ASTN2: variants seen among roughly 807,000 people sequenced by gnomAD.
The protein encoded by ASTN2 is astrotactin 2, also known as astrotactin-2.
ASTN2 carries 54 observed loss-of-function variants against 139.8 expected under a neutral mutation model. The observed-to-expected ratio is 0.39, with a 90% CI of 0.31 to 0.48. The LOEUF (loss-of-function observed/expected upper bound fraction) is 0.48, where lower values mean the gene tolerates loss of function less well. Among genes scored for constraint, ASTN2 ranks in the 20% least tolerant of loss-of-function variants. The pLI is 0.95. For synonymous variants in ASTN2, 756 were observed against 719.5 expected (o/e 1.05, Z -0.81); for missense variants, 1,565 against 1,725.1 (o/e 0.91, Z 1.64).
At chr9:116,596,380 A>C (rs1260320874) in intron 19 of ASTN2, among the ~76,000 whole-genome samples, 1 of 152,208 alleles carries the variant, frequency 6.6e-6, no homozygotes, top group Non-Finnish European at 1.5e-5. Flanking sequence ...CCTATAGTGA[A>C]TATGGTATTG....
At chr9:116,912,401 C>T (rs773619018) in intron 10 of ASTN2, among the ~76,000 whole-genome samples, 31 of 152,350 alleles carry the variant, frequency 2.0e-4, no homozygotes, top group Non-Finnish European at 2.5e-4. Context: ...TCAGAAAACA[C>T]AAGGTCCGCC....
At chr9:116,686,715 G>A (rs1195084127) in intron 16 of ASTN2, 1 of 1,550,532 alleles carries the variant, frequency 6.4e-7, no homozygotes, top group Admixed American at 2.0e-5. Context: ...TGCAGGGACA[G>A]GGGCTGCAGA....
chr9:116,649,045 CAAAA>C (rs1857758967), intron 17 of ASTN2, among the ~76,000 whole-genome samples: 1 of 151,332 alleles, frequency 6.6e-6, no homozygotes. Flanking sequence ...AACAAACAAA[CAAAA>C]AAACACCAGC....
At chr9:116,949,980 T>G (rs540125617) in intron 10 of ASTN2, among the ~76,000 whole-genome samples, 1 of 152,208 alleles carries the variant, frequency 6.6e-6, no homozygotes, top group Non-Finnish European at 1.5e-5. Flanking sequence ...TTTCTTTTTT[T>G]TTTTTCTTAT....
chr9:117,222,643 C>T (rs1333797238), intron 2 of ASTN2, among the ~76,000 whole-genome samples: 1 of 152,164 alleles, frequency 6.6e-6, no homozygotes, highest in African/African-American at 2.4e-5. Context: ...CTTATGTCTA[C>T]ACATCCAAAT....
chr9:116,698,256 G>A lies in ASTN2; in HGVS notation c.2806+27515C>T, dbSNP rs1302069844. On this transcript the variant is annotated intron_variant, in intron 16 of 22. Coordinates refer to ENST00000313400, the MANE Select transcript of ASTN2 (RefSeq NM_001365068.1). This position sits in a 1 kb window ranked among gnomAD's most constrained non-coding sequence, Gnocchi z 4.4. The stretch of plus-strand genomic sequence containing the variant: ...GCAGCGGCGGAAGGCAGCCTTGGAA[G>A]GTGTCTCCAAGGACCTTCAGGCAAG... 6.2e-7 allele frequency: 1 copy of A among 1,614,144 alleles called. No homozygotes were observed. Among genetic ancestry groups the A allele is most frequent in the South Asian group, 1.1e-5 (1 of 91,072 alleles).
At chr9:116,746,969 G>T (rs1230273558) in intron 13 of ASTN2, among the ~76,000 whole-genome samples, 1 of 152,156 alleles carries the variant, frequency 6.6e-6, no homozygotes, top group Non-Finnish European at 1.5e-5. Context: ...TGGCAATGTA[G>T]GGGAGACAAT....
intron 1 of ASTN2, among the ~76,000 whole-genome samples, chr9:117,312,612 C>A (rs915424698): frequency 6.6e-6 from 1 of 152,108 alleles, no homozygotes; most frequent in Non-Finnish European, 1.5e-5. Flanking sequence ...CAGACATGGT[C>A]AAAATGATAA....
chr9:117,168,860 G>C (rs928396771), intron 3 of ASTN2, among the ~76,000 whole-genome samples: 6 of 151,902 alleles, frequency 3.9e-5, no homozygotes, highest in African/African-American at 1.5e-4. Flanking sequence ...TTTAAATGCT[G>C]GCTAAGACTT....
chr9:116,606,556 A>T (rs1020218669), intron 19 of ASTN2, among the ~76,000 whole-genome samples: 3 of 152,182 alleles, frequency 2.0e-5, no homozygotes, highest in African/African-American at 7.2e-5. Context: ...ATTCAGAGAG[A>T]TCAAAGGATA....
chr9:116,718,975 C>CATATATATATAT (rs145923400), intron 16 of ASTN2, among the ~76,000 whole-genome samples: 4 of 116,576 alleles, frequency 3.4e-5, no homozygotes, highest in Non-Finnish European at 3.5e-5. Context: ...TGTATCTGTA[C>CATATATATATAT]ATATATATAT....
intron 5 of ASTN2, among the ~76,000 whole-genome samples, chr9:117,080,963 T>C (rs898701712): frequency 2.6e-5 from 4 of 152,176 alleles, no homozygotes; most frequent in African/African-American, 9.6e-5. Flanking sequence ...ATGTAATGGA[T>C]AGAGAGCCAA....
intron 13 of ASTN2, among the ~76,000 whole-genome samples, chr9:116,790,177 C>T (rs1031746191): frequency 2.0e-5 from 3 of 152,062 alleles, no homozygotes; most frequent in Non-Finnish European, 1.5e-5. Context: ...CTGCCTGCCT[C>T]GGCCTCCCAA....
chr9:117,249,381 G>A (rs192208768), intron 2 of ASTN2, among the ~76,000 whole-genome samples: 11 of 152,234 alleles, frequency 7.2e-5, no homozygotes, highest in African/African-American at 2.6e-4. Flanking sequence ...CCTCAATTGA[G>A]TACTTAAAAG....
At chr9:117,108,249 C>A (rs1829156122) in intron 4 of ASTN2, among the ~76,000 whole-genome samples, 2 of 152,132 alleles carry the variant, frequency 1.3e-5, no homozygotes, top group Non-Finnish European at 2.9e-5. Context: ...GTATTCCCTT[C>A]TTTAAGACAC....
At chr9:117,136,474 G>T (rs1310447911) in intron 4 of ASTN2, among the ~76,000 whole-genome samples, 1 of 152,134 alleles carries the variant, frequency 6.6e-6, no homozygotes, top group African/African-American at 2.4e-5. Context: ...AGACCCTCTG[G>T]GGGTAAGTTC....
At chr9:117,358,015 G>T (rs1829589542) in intron 1 of ASTN2, among the ~76,000 whole-genome samples, 1 of 152,156 alleles carries the variant, frequency 6.6e-6, no homozygotes, top group Non-Finnish European at 1.5e-5. Context: ...TATATGTAAA[G>T]TTGAAGTTTC....
chr9:117,193,948 CA>C (rs1159094356), intron 3 of ASTN2, among the ~76,000 whole-genome samples: 7 of 144,206 alleles, frequency 4.9e-5, no homozygotes, highest in Non-Finnish European at 1.1e-4. Flanking sequence ...ATGCAGGGAG[CA>C]GAGGGCAGGG....
chr9:116,583,192 T>C (rs896037637), intron 19 of ASTN2: 8 of 152,230 alleles, frequency 5.3e-5, no homozygotes, highest in Non-Finnish European at 1.2e-4. Context: ...CCAGTTGATC[T>C]TTAATAAAGT....
Sources: gnomAD v4.1 joint callset for allele counts (sites outside exome capture counted in the v4.1 genomes callset) on GRCh38, gnomAD v4.1.1 for gene constraint, Gnocchi (gnomAD v3.1) non-coding constraint, MANE v1.5 for transcripts, NCBI Gene and HGNC (gene_info 2026-07-23, HGNC 2026-07-21) for gene names.